The following DSC2 variants were observed in gnomAD, a reference collection of about 807,000 sequenced individuals.
DSC2 encodes the protein desmocollin-2.
Under a neutral mutation model 87.6 loss-of-function variants are expected in DSC2, and 51 were observed. The observed-to-expected ratio is 0.58, with a 90% CI of 0.46 to 0.74. DSC2 has a LOEUF of 0.74. DSC2 is among the 30% of genes least tolerant of loss of function. The probability of loss-of-function intolerance (pLI) is 0.00; values close to 1 mark genes in which losing one functional copy is unlikely to be tolerated. For synonymous variants in DSC2, 383 were observed against 393.2 expected (o/e 0.97, Z 0.31); for missense variants, 1,066 against 1,089.5 (o/e 0.98, Z 0.30).
intron 3 of DSC2, 35 bp downstream of exon 3, chr18:31,092,066 A>T: frequency 2.6e-6 from 4 of 1,559,616 alleles, no homozygotes; most frequent in Non-Finnish European, 3.5e-6. Flanking sequence ...TCTGAAGAAA[A>T]GATATCATTT....
intron 11 of DSC2, among the ~76,000 whole-genome samples, chr18:31,077,544 C>T (rs1236918290): frequency 6.6e-6 from 1 of 152,176 alleles, no homozygotes; most frequent in South Asian, 2.1e-4. Flanking sequence ...TTTTTTTGCA[C>T]ATTGTGATTA....
intron 14 of DSC2, among the ~76,000 whole-genome samples, chr18:31,070,441 T>C (rs1986785064): frequency 6.6e-6 from 1 of 152,316 alleles, no homozygotes; most frequent in East Asian, 1.9e-4. Context: ...TTGAAATATA[T>C]ACAAAAGACA....
intron 7 of DSC2, among the ~76,000 whole-genome samples, chr18:31,083,265 G>C (rs190233979): frequency 2.0e-5 from 3 of 151,992 alleles, no homozygotes; most frequent in Admixed American, 2.0e-4. Flanking sequence ...ACGAAGTCTC[G>C]CTCTGTTGCC....
chr18:31,086,824 C>CA, intron 6 of DSC2, 82 bp from the exon 7 acceptor site: 1 of 1,497,410 alleles, frequency 6.7e-7, no homozygotes, highest in Non-Finnish European at 9.1e-7. Flanking sequence ...TCACCCACCT[C>CA]AAAAAAGTTC....
At chr18:31,068,668 A>C (rs1268705073) in intron 15 of DSC2, among the ~76,000 whole-genome samples, 1 of 152,200 alleles carries the variant, frequency 6.6e-6, no homozygotes, top group Non-Finnish European at 1.5e-5. Context: ...TTTAAATCTC[A>C]TCACACATTA....
At chr18:31,100,281 C>G (rs1043835464) in intron 1 of DSC2, among the ~76,000 whole-genome samples, 2 of 152,152 alleles carry the variant, frequency 1.3e-5, no homozygotes, top group Admixed American at 6.5e-5. Flanking sequence ...AGTGATACCC[C>G]ACCTCCTCCT....
In DSC2 at chr18:31,101,867, C is replaced by T. The variant is rs1987972021; in HGVS notation, c.69+36G>A. 5 of 1,526,330 alleles carry T rather than the reference C, an allele frequency of 3.3e-6. No individual in the cohort carries two copies. The South Asian group carries it at 6.1e-5, about 18-fold the overall frequency. The allele number at this position is 1,526,330 out of a possible 1,614,324, so 94.5% of individuals were successfully genotyped here. On this transcript the variant is annotated intron_variant, in intron 1 of 15. Transcript: ENST00000280904. Reference sequence around the variant, plus strand: ...TTTCCTCTGCACCCTAGGCGATCGCCCCCTTCCCCGGAGCGGTGGCCGCGG... The same window carrying T: ...TTTCCTCTGCACCCTAGGCGATCGCTCCCTTCCCCGGAGCGGTGGCCGCGG...
chr18:31,079,799 T>C (rs1987142710), intron 11 of DSC2, 48 bp downstream of exon 11: 37 of 1,609,062 alleles, frequency 2.3e-5, no homozygotes, highest in Non-Finnish European at 3.1e-5. Context: ...ACACTGAAGA[T>C]GTATGTAGCC....
In DSC2 at chr18:31,059,883, A is replaced by G. The variant is rs959123956; in HGVS notation, c.*8132T>C. ...ATCACAATAGTGATAGCTGCTGGTT[A>G]TTGATATACTGATGAGCCAAGCAGT... is the stretch of plus-strand genomic sequence containing the variant. On this transcript the variant is annotated 3_prime_UTR_variant, in exon 16 of 16. Transcript: ENST00000280904. 1 of 152,172 alleles carries G rather than the reference A, an allele frequency of 6.6e-6. No individual in the cohort carries two copies. The highest frequency in any genetic ancestry group is 1.5e-5 in the Non-Finnish European group (1 of 68,028). The allele number at this position is 152,172 out of a possible 1,614,324, so 9.4% of individuals were successfully genotyped here.
At position 31,078,922 on chromosome 18, in the gene DSC2, T is replaced by C. The variant is rs114091390; in HGVS notation, c.1663+925A>G. Among the ~76,000 whole-genome samples the C allele has an allele frequency of 5.2e-3, 785 of 152,316 alleles. 7 individuals are homozygous for C. Among genetic ancestry groups the C allele is most frequent in the African/African-American group, 0.018 (752 of 41,578 alleles). ...CATACTCATATTTCTCTCAATTTTA[T>C]AGAATGCACAGAACATAATTTTACA... On this transcript the variant is annotated intron_variant, in intron 11 of 15. Coordinates refer to ENST00000280904, the MANE Select transcript of DSC2 (RefSeq NM_024422.6).
Position 31,092,284 on chromosome 18 carries a change from G to C in DSC2, c.171C>G (p.Cys57Trp). ...KLVGRVNLKE[C>W]FTAANLIHSS... Reference sequence around the variant, plus strand: ...AATGAATTAGATTTGCAGCTGTAAAGCACTCTTTCAGGTTAACTGTAGAAA... The same window carrying C: ...AATGAATTAGATTTGCAGCTGTAAACCACTCTTTCAGGTTAACTGTAGAAA... The change falls in exon 3 of 16, where the codon TGC becomes TGG. Residue 57 changes from cysteine (C) to tryptophan (W), a missense_variant. Cys to Trp is a radical substitution (Grantham distance 215). Transcript: ENST00000280904. 6.2e-6 allele frequency: 10 copies of C among 1,613,478 alleles called. No homozygotes were observed. Among genetic ancestry groups the C allele is most frequent in the Non-Finnish European group, 8.5e-6 (10 of 1,179,624 alleles).
At chr18:31,080,675 T>C (rs1285874935) in intron 9 of DSC2, among the ~76,000 whole-genome samples, 3 of 152,218 alleles carry the variant, frequency 2.0e-5, no homozygotes, top group Non-Finnish European at 4.4e-5. Context: ...CCCCCTTTGC[T>C]CTGTCTCTCC....
Position 31,087,770 on chromosome 18 carries a change from A to G in DSC2, c.674T>C (p.Leu225Pro), listed in dbSNP as rs201492318. Reference protein sequence around the residue: ...ATTPDGYTPELPLPLIIKIED... With the variant: ...ATTPDGYTPEPPLPLIIKIED... ...TATTTTGATTATTAGGGGCAGTGGA[A>G]GTTCTGGAGTATACCCATCTGGAGT... The change falls in exon 6 of 16, where the codon CTT becomes CCT. Residue 225 changes from leucine to proline, a missense_variant. Transcript: ENST00000280904. 5 of 1,613,902 alleles carry G rather than the reference A, an allele frequency of 3.1e-6. No individual in the cohort carries two copies. The highest frequency in any genetic ancestry group is 3.4e-6 in the Non-Finnish European group (4 of 1,179,858).
chr18:31,074,042 C>T (rs576677590), intron 12 of DSC2, among the ~76,000 whole-genome samples: 1 of 152,314 alleles, frequency 6.6e-6, no homozygotes. Flanking sequence ...TTGCCATGGG[C>T]AGCCCACATA....
chr18:31,076,581 A>C (rs2144804657), intron 11 of DSC2, among the ~76,000 whole-genome samples: 1 of 152,340 alleles, frequency 6.6e-6, no homozygotes, highest in East Asian at 1.9e-4. Flanking sequence ...ACAAGAATGA[A>C]ATTACAGCTC....
At chr18:31,087,069 C>T (rs1366621986) in intron 6 of DSC2, among the ~76,000 whole-genome samples, 1 of 152,112 alleles carries the variant, frequency 6.6e-6, no homozygotes, top group Non-Finnish European at 1.5e-5. Flanking sequence ...TAAGCTTGTG[C>T]TTAGATTGAT....
chr18:31,093,671 TATTATGCATAAAA>T (rs748027222), intron 1 of DSC2, 28 bp from the exon 2 acceptor site: 1 of 1,465,354 alleles, frequency 6.8e-7, no homozygotes, highest in East Asian at 2.5e-5. Context: ...ATCAAATAAA[TATTATGCATAAAA>T]AGAAAACTTT....
At chr18:31,079,201 C>T (rs773902194) in intron 11 of DSC2, among the ~76,000 whole-genome samples, 1 of 152,028 alleles carries the variant, frequency 6.6e-6, no homozygotes, top group Non-Finnish European at 1.5e-5. Context: ...ACACTTTAAG[C>T]GAAATAAGTA....
intron 7 of DSC2, 46 bp downstream of exon 7, chr18:31,086,530 A>G: frequency 6.2e-7 from 1 of 1,609,560 alleles, no homozygotes; most frequent in Non-Finnish European, 8.5e-7. Flanking sequence ...TACAGGTACT[A>G]TTGAATAGCC....
Sources: allele counts gnomAD v4.1 joint callset (sites outside exome capture counted in the v4.1 genomes callset), GRCh38; gene constraint gnomAD v4.1.1; transcripts MANE v1.5; gene names NCBI Gene and HGNC (gene_info 2026-07-23, HGNC 2026-07-21).